Variants in PVALEF observed in about 807,000 individuals in gnomAD.
PVALEF encodes the protein parvalbumin-like EF-hand-containing protein.
PVALEF carries 2 observed loss-of-function variants against 1.2 expected under a neutral mutation model. The ratio of observed to expected loss-of-function variants is 1.68; its 90% CI spans 0.69 to 5.28. The LOEUF is 5.28. Ranked by LOEUF, PVALEF falls within the 30% of genes most tolerant of loss-of-function variation. The pLI, the probability that PVALEF is intolerant of heterozygous loss-of-function variation, is 0.06. For missense variants in PVALEF, 35 were observed against 17.7 expected, an observed-to-expected ratio of 1.97 and a Z score of -1.75; for synonymous variants, 16 against 6.5, an observed-to-expected ratio of 2.47 and a Z score of -2.24.
At chr17:81,166,509 G>GT (rs931207102) in intron 1 of PVALEF, among the ~76,000 whole-genome samples, 168 bp from the exon 2 acceptor site, 6 of 102,208 alleles carry the variant, frequency 5.9e-5, no homozygotes, top group African/African-American at 2.1e-4. Flanking sequence ...CTGGCGGGGG[G>GT]GGGGGAAACG....
chr17:81,175,525 T>A (rs9900237), intron 2 of PVALEF, among the ~76,000 whole-genome samples: 35,748 of 151,804 alleles, frequency 0.24, 4,495 homozygotes, highest in Non-Finnish European at 0.28. Context: ...CTACTTCCTG[T>A]TTTCAAAATT....
rs1171178214 is a variant in PVALEF, at chr17:81,181,950, G to GC, written c.243-11dup. On this transcript the variant is annotated splice_polypyrimidine_tract_variant and intron_variant, in intron 5 of 6. Transcript: ENST00000637878. ...CGGAAGCCCCTTGGCCCTGACTCGA[G>GC]CCCCCTTGGCCCCAGGTACATCCTG... 4 of 398,392 alleles carry GC rather than the reference G, an allele frequency of 1.0e-5. No homozygotes were observed. The highest frequency in any genetic ancestry group is 8.8e-6 in the Non-Finnish European group (2 of 225,994). The allele number at this position is 398,392 out of a possible 1,614,324, so 24.7% of individuals were successfully genotyped here.
rs773429856 is a variant in PVALEF at position 81,183,116 on chromosome 17, G to C, written c.*105G>C. 2 of 398,414 alleles carry C rather than the reference G, an allele frequency of 5.0e-6. No homozygotes were observed. Among genetic ancestry groups the C allele is most frequent in the Non-Finnish European group, 8.9e-6 (2 of 225,944 alleles). The allele number at this position is 398,414 out of a possible 1,614,324, so 24.7% of individuals were successfully genotyped here. A position where few individuals can be genotyped will look rare whatever the true frequency, so the allele number is the denominator to read the frequency against. On this transcript the variant is annotated 3_prime_UTR_variant, in exon 7 of 7. Transcript: ENST00000637878. The stretch of plus-strand genomic sequence containing the variant: ...GGCCGGTAAGAGGCGGCAGCCGTGA[G>C]GGTGGACCCAGCTTTTGAAGGAAAA...
chr17:81,172,981 G>A (rs576519331), intron 2 of PVALEF, among the ~76,000 whole-genome samples: 66 of 152,252 alleles, frequency 4.3e-4, no homozygotes, highest in Non-Finnish European at 6.0e-4. Flanking sequence ...AAGCGGCGGC[G>A]TGAGGCCTTC....
chr17:81,177,479 C>T (rs915572458), intron 2 of PVALEF, among the ~76,000 whole-genome samples: 3 of 149,166 alleles, frequency 2.0e-5, no homozygotes, highest in Non-Finnish European at 3.0e-5. Flanking sequence ...ACCCGGGAGG[C>T]GGAGGTTGCA....
chr17:81,169,468 G>A (rs2061510675), intron 2 of PVALEF, among the ~76,000 whole-genome samples: 1 of 152,136 alleles, frequency 6.6e-6, no homozygotes, highest in African/African-American at 2.4e-5. Flanking sequence ...CATGGTGGCA[G>A]GCGCCTGTAA....
At chr17:81,167,311 T>C (rs2061500859) in intron 2 of PVALEF, among the ~76,000 whole-genome samples, 1 of 152,190 alleles carries the variant, frequency 6.6e-6, no homozygotes, top group Non-Finnish European at 1.5e-5. Flanking sequence ...TCCTGGAGAC[T>C]TGCAGTTGAG....
chr17:81,166,639 C>A (rs993196313), intron 1 of PVALEF, 38 bp from the exon 2 acceptor site: 3 of 451,996 alleles, frequency 6.6e-6, no homozygotes, highest in Admixed American at 2.4e-5. Flanking sequence ...ACACCCAGGG[C>A]GGGTCTTGGT....
intron 2 of PVALEF, among the ~76,000 whole-genome samples, chr17:81,174,673 G>A (rs1270303661): frequency 6.6e-6 from 1 of 151,488 alleles, no homozygotes; most frequent in Non-Finnish European, 1.5e-5. Context: ...CTGTTTGCCA[G>A]GCGCGGTGGC....
chr17:81,170,506 G>A (rs1202275433), intron 2 of PVALEF, among the ~76,000 whole-genome samples: 1 of 152,062 alleles, frequency 6.6e-6, no homozygotes, highest in African/African-American at 2.4e-5. Flanking sequence ...AGGTATCAGG[G>A]TCAGGACTTG....
chr17:81,181,493 G>A, intron 4 of PVALEF, 66 bp from the exon 5 acceptor site: 2 of 490,232 alleles, frequency 4.1e-6, no homozygotes, highest in Non-Finnish European at 7.1e-6. Context: ...CCCAGGGCGG[G>A]GTCTTCCCTG....
At position 81,183,006 on chromosome 17, in the gene PVALEF, A is replaced by T. The variant is rs1432804553; in HGVS notation, c.400A>T (p.Lys134Ter). 9 of 398,678 alleles carry T rather than the reference A, an allele frequency of 2.3e-5. No homozygotes were observed. The highest frequency in any genetic ancestry group is 1.3e-4 in the South Asian group (1 of 7,864). 24.7% of individuals were successfully genotyped at this position (398,678 alleles called of 1,614,324 possible). The stretch of plus-strand genomic sequence containing the variant: ...CAAAAAGGAGAAAATTCCAAAGAAG[A>T]AGTAGCACCATGACTAGCCCTGGCC... ...LIKKEKIPKK[K>*] The change falls in exon 7 of 7, where the codon AAG becomes TAG. Residue 134 changes from lysine (K) to a stop codon, truncating the protein, a stop_gained. Transcript: ENST00000637878. LOFTEE classifies it high-confidence loss of function.
At chr17:81,169,982 G>A (rs1357824193) in intron 2 of PVALEF, among the ~76,000 whole-genome samples, 2 of 139,046 alleles carry the variant, frequency 1.4e-5, no homozygotes, top group African/African-American at 5.4e-5. Context: ...GTACATGTGT[G>A]TGCATGTGTG....
intron 2 of PVALEF, among the ~76,000 whole-genome samples, chr17:81,169,986 ATGTG>A (rs145155506): frequency 1.3e-3 from 200 of 148,734 alleles, no homozygotes; most frequent in South Asian, 7.5e-3. Flanking sequence ...ATGTGTGTGC[ATGTG>A]TGTGTGTTGG....
rs1491387738 is a variant in PVALEF at position 81,166,819 on chromosome 17, T to TC, written c.-364dup. Reference sequence around the variant, plus strand: ...GCCATGAAGGAAGAACCTGGCTGAGTCTCCACCTGCCGTGGACTGTACCAG... The same window carrying TC: ...GCCATGAAGGAAGAACCTGGCTGAGTCCTCCACCTGCCGTGGACTGTACCAG... On this transcript the variant is annotated 5_prime_UTR_variant, in exon 2 of 7. An upstream open reading frame in the 5' UTR gains an earlier in-frame stop. Transcript: ENST00000637878. The TC allele has an allele frequency of 2.4e-5, 11 of 453,046 alleles. No individual in the cohort carries two copies. The Admixed American group carries it at 2.6e-4, about 11-fold the overall frequency. The allele number at this position is 453,046 out of a possible 1,614,324, so 28.1% of individuals were successfully genotyped here.
intron 2 of PVALEF, among the ~76,000 whole-genome samples, chr17:81,171,840 G>A (rs531590600): frequency 1.3e-5 from 2 of 152,110 alleles, no homozygotes; most frequent in African/African-American, 2.4e-5. Context: ...AAAATGAATC[G>A]GCTTGAAGTG....
At chr17:81,169,926 A>G (rs770084408) in intron 2 of PVALEF, among the ~76,000 whole-genome samples, 1 of 150,352 alleles carries the variant, frequency 6.7e-6, no homozygotes, top group African/African-American at 2.5e-5. Context: ...TTGTGTGTGC[A>G]TGTGTGTCTG....
Position 81,181,121 on chromosome 17 carries a change from A to G in PVALEF, n.645-2A>G, listed in dbSNP as rs112261665. 3.1e-3 allele frequency: 2,022 copies of G among 659,636 alleles called. 32 individuals are homozygous for G. The African/African-American group carries it at 0.032, about 10-fold the overall frequency. The allele number at this position is 659,636 out of a possible 1,614,324, so 40.9% of individuals were successfully genotyped here. A position where few individuals can be genotyped will look rare whatever the true frequency, so the allele number is the denominator to read the frequency against. On this transcript the variant is annotated splice_acceptor_variant and non_coding_transcript_variant, in intron 3 of 5. Coordinates refer to the PVALEF transcript ENST00000414089. ...ACGCCTGTCACCATTCCCACTTTAC[A>G]GCAGGATCCAGCACCACGCGGCGTC...
chr17:81,183,062 T>C lies in PVALEF; in HGVS notation c.*51T>C, dbSNP rs1040424655. 7 of 398,488 alleles carry C rather than the reference T, an allele frequency of 1.8e-5. No homozygotes were observed. Among genetic ancestry groups the C allele is most frequent in the Admixed American group, 4.4e-5 (1 of 22,708 alleles). 24.7% of individuals were successfully genotyped at this position (398,488 alleles called of 1,614,324 possible). On this transcript the variant is annotated 3_prime_UTR_variant, in exon 7 of 7. Transcript: ENST00000637878. ...AGGGGCTCCCATGGGGTAACCGGGG[T>C]GACCACGCACCTGGGCAGAAGCCGT...
Sources: gnomAD v4.1 joint callset for allele counts (sites outside exome capture counted in the v4.1 genomes callset) on GRCh38, gnomAD v4.1.1 for gene constraint, MANE v1.5 for transcripts, NCBI Gene and HGNC (gene_info 2026-07-23, HGNC 2026-07-21) for gene names.